The following ANK3 variants were observed in gnomAD, a reference collection of about 807,000 sequenced individuals.
ANK3 encodes the protein ankyrin 3.
In ANK3, 57 loss-of-function variants were observed where a neutral mutation model predicts 370.9. That is an observed-to-expected ratio of 0.15 (90% CI 0.12 to 0.19). ANK3 has a LOEUF of 0.19. Ranked by LOEUF, ANK3 falls within the 10% of genes least tolerant of loss-of-function variation. The pLI is 1.00. For synonymous variants in ANK3, 1,929 were observed against 1,946.3 expected, an observed-to-expected ratio of 0.99 and a Z score of 0.23; for missense variants, 4,439 against 5,302.1, an observed-to-expected ratio of 0.84 and a Z score of 5.06.
At position 60,086,767 on chromosome 10, in the gene ANK3, T is replaced by G. The variant is rs367603857; in HGVS notation, c.3658A>C (p.Ile1220Leu). ...TCTCCTGAGGGCGGGGGCACCGGAA[T>G]GGTCATTGTGATTGGTTTATGGAAT... ...RKFHKPITMT[I>L]PVPPPSGEGV... is the part of the protein sequence containing the mutation. Residue 1220 changes from isoleucine (I) to leucine (L), a missense_variant, in exon 30 of 44, where the codon ATT becomes CTT. Ile to Leu is a conservative substitution (Grantham distance 5, BLOSUM62 2). Coordinates refer to ENST00000280772, the MANE Select transcript of ANK3 (RefSeq NM_020987.5). 1 of 1,614,062 alleles carries G rather than the reference T, an allele frequency of 6.2e-7. No individual in the cohort carries two copies. Among genetic ancestry groups the G allele is most frequent in the Admixed American group, 1.7e-5 (1 of 60,012 alleles).
At chr10:60,655,902 A>G (rs1249086703) in intron 1 of ANK3, among the ~76,000 whole-genome samples, 1 of 152,188 alleles carries the variant, frequency 6.6e-6, no homozygotes, top group East Asian at 1.9e-4. Context: ...TCGTGTTACA[A>G]TTGCCTACAG....
intron 8 of ANK3, among the ~76,000 whole-genome samples, chr10:60,226,481 A>ATGTATATATACTATAGTATATATACTATG (rs1555168422): frequency 2.7e-5 from 2 of 73,184 alleles, no homozygotes; most frequent in Non-Finnish European, 4.5e-5. Context: ...TATATATACT[A>ATGTATATATACTATAGTATATATACTATG]TATATATACA....
chr10:60,147,181 C>T (rs2094869791), intron 23 of ANK3, among the ~76,000 whole-genome samples: 1 of 152,064 alleles, frequency 6.6e-6, no homozygotes, highest in African/African-American at 2.4e-5. Flanking sequence ...TGCATGTAGC[C>T]CAGGAACTTC....
intron 1 of ANK3, among the ~76,000 whole-genome samples, chr10:60,667,983 G>GT (rs1217823537): frequency 7.8e-6 from 1 of 128,044 alleles, no homozygotes; most frequent in East Asian, 2.2e-4. Flanking sequence ...CTTGGATACA[G>GT]TAAGTCTAGA....
intron 27 of ANK3, among the ~76,000 whole-genome samples, chr10:60,107,604 A>C (rs1177052617): frequency 6.6e-6 from 1 of 152,276 alleles, no homozygotes; most frequent in Non-Finnish European, 1.5e-5. Flanking sequence ...ACTTTAAAAG[A>C]ATACTCTATC....
chr10:60,252,743 T>C (rs1318179536), intron 7 of ANK3, among the ~76,000 whole-genome samples: 2 of 152,204 alleles, frequency 1.3e-5, no homozygotes, highest in South Asian at 2.1e-4. Flanking sequence ...TGCTGACAAA[T>C]AGCACCACAA....
intron 39 of ANK3, 81 bp from the exon 40 acceptor site, chr10:60,063,335 T>TGCAAAAGCCATGCC: frequency 7.1e-7 from 1 of 1,412,760 alleles, no homozygotes; most frequent in Non-Finnish European, 9.5e-7. Context: ...AAGGCATGGC[T>TGCAAAAGCCATGCC]TTTGCAGCCC....
intron 2 of ANK3, among the ~76,000 whole-genome samples, chr10:60,520,305 AACT>A (rs1180522217): frequency 1.3e-5 from 2 of 152,110 alleles, no homozygotes; most frequent in Non-Finnish European, 2.9e-5. Flanking sequence ...AGGGTTGAGA[AACT>A]ACTTATTGAG....
At chr10:60,349,737 G>A (rs2056472934) in intron 1 of ANK3, among the ~76,000 whole-genome samples, 1 of 152,316 alleles carries the variant, frequency 6.6e-6, no homozygotes, top group African/African-American at 2.4e-5. Context: ...AAGTTGAAAT[G>A]AGGGTAGAAA....
At chr10:60,559,758 T>A (rs944618713) in intron 2 of ANK3, among the ~76,000 whole-genome samples, 22 of 152,184 alleles carry the variant, frequency 1.4e-4, no homozygotes, top group African/African-American at 5.1e-4. Context: ...TCTAGAAAAC[T>A]TCTATAAGTA....
chr10:60,348,364 A>C lies in ANK3; in HGVS notation c.114+41061T>G, dbSNP rs903190887. Among the ~76,000 whole-genome samples the C allele has an allele frequency of 4.3e-4, 39 of 90,160 alleles. 2 individuals are homozygous for C. Among genetic ancestry groups the C allele is most frequent in the Non-Finnish European group, 1.1e-4 (5 of 43,520 alleles). The allele number at this position is 90,160 out of a possible 152,430, so 59.1% of individuals were successfully genotyped here. A position where few individuals can be genotyped will look rare whatever the true frequency, so the allele number is the denominator to read the frequency against. ...TCACTAGCCAAAAAAAAAAAAAAAA[A>C]AAAAAACACAAAAAACAAAAAAAAC... On this transcript the variant is annotated intron_variant, in intron 1 of 43. Coordinates refer to ENST00000280772, the MANE Select transcript of ANK3 (RefSeq NM_020987.5).
rs1338727919 is a variant in ANK3, at chr10:60,699,260, C to T, written c.57+34003G>A. The stretch of plus-strand genomic sequence containing the variant: ...TTCATGTAACCAAACACCATCTGTA[C>T]CCCAGTAACCCATGGAAAAATAAAT... On this transcript the variant is annotated intron_variant, in intron 1 of 43. Coordinates refer to the ANK3 transcript ENST00000373827. Among the ~76,000 whole-genome samples the T allele has an allele frequency of 2.6e-5, 4 of 151,756 alleles. No individual in the cohort carries two copies. The South Asian group carries it at 6.3e-4, about 24-fold the overall frequency.
intron 2 of ANK3, among the ~76,000 whole-genome samples, chr10:60,490,024 C>T (rs2075452911): frequency 6.8e-6 from 1 of 148,034 alleles, no homozygotes; most frequent in African/African-American, 2.6e-5. Context: ...CTGCCTAGTG[C>T]ACACTCCCCA....
At chr10:60,525,813 T>C (rs1221542304) in intron 2 of ANK3, among the ~76,000 whole-genome samples, 3 of 152,124 alleles carry the variant, frequency 2.0e-5, no homozygotes, top group Non-Finnish European at 4.4e-5. Flanking sequence ...GAACGCACTT[T>C]GTAAATGATG....
At chr10:60,230,263 C>T (rs1380437133) in intron 8 of ANK3, among the ~76,000 whole-genome samples, 2 of 152,114 alleles carry the variant, frequency 1.3e-5, no homozygotes, top group Non-Finnish European at 1.5e-5. Context: ...CAAATACTCA[C>T]GCTAGCTTTA....
intron 2 of ANK3, among the ~76,000 whole-genome samples, chr10:60,484,809 T>G (rs1424055610): frequency 6.6e-6 from 1 of 152,188 alleles, no homozygotes; most frequent in Non-Finnish European, 1.5e-5. Context: ...TCAAAAATTA[T>G]GATATGGTTT....
intron 1 of ANK3, among the ~76,000 whole-genome samples, chr10:60,632,937 G>T (rs539813797): frequency 4.6e-5 from 7 of 151,840 alleles, no homozygotes; most frequent in Admixed American, 4.6e-4. Context: ...TGCTTTGATA[G>T]CTGACTTTAT....
At chr10:60,272,027 T>C (rs917012699) in intron 4 of ANK3, among the ~76,000 whole-genome samples, 8 of 151,756 alleles carry the variant, frequency 5.3e-5, no homozygotes, top group African/African-American at 1.7e-4. Context: ...TACTCTGTTT[T>C]ATCATGAAAC....
intron 1 of ANK3, among the ~76,000 whole-genome samples, chr10:60,354,866 C>G (rs922246955): frequency 6.8e-6 from 1 of 148,000 alleles, no homozygotes; most frequent in Non-Finnish European, 1.5e-5. Flanking sequence ...GAAAAATTTT[C>G]TTTTGTATTT....
Sources: allele counts gnomAD v4.1 joint callset (sites outside exome capture counted in the v4.1 genomes callset), GRCh38; gene constraint gnomAD v4.1.1; transcripts MANE v1.5; gene names NCBI Gene and HGNC (gene_info 2026-07-23, HGNC 2026-07-21).